RDX: variants seen among roughly 807,000 people sequenced by gnomAD.
RDX encodes deafness, autosomal recessive 24.
In RDX, 32 loss-of-function variants were observed where a neutral mutation model predicts 83.7. The ratio of observed to expected loss-of-function variants is 0.38; its 90% CI spans 0.29 to 0.51. The LOEUF (loss-of-function observed/expected upper bound fraction) is 0.51, where lower values mean the gene tolerates loss of function less well. RDX is among the 20% of genes least tolerant of loss of function. The pLI is 0.87. For missense variants in RDX, 600 were observed against 689.9 expected (o/e 0.87, Z 1.46); for synonymous variants, 229 against 222.7 (o/e 1.03, Z -0.25).
At chr11:110,291,519 T>C (rs1260419732) in intron 1 of RDX, among the ~76,000 whole-genome samples, 3 of 152,168 alleles carry the variant, frequency 2.0e-5, no homozygotes, top group South Asian at 4.1e-4. Flanking sequence ...TGGGGGTTTC[T>C]GGAAACAGTT....
At position 110,233,415 on chromosome 11, in the gene RDX, G is replaced by C. The variant is rs772465918; in HGVS notation, c.1409C>G (p.Pro470Arg). 1 of 1,614,050 alleles carries C rather than the reference G, an allele frequency of 6.2e-7. No individual in the cohort carries two copies. Among genetic ancestry groups the C allele is most frequent in the South Asian group, 1.1e-5 (1 of 91,066 alleles). Residue 470 changes from proline (P) to arginine (R), a missense_variant, in exon 13 of 14, where the codon CCC becomes CGC. Pro to Arg is a moderately radical substitution (Grantham distance 103). Coordinates refer to ENST00000645495, the MANE Select transcript of RDX (RefSeq NM_002906.4). ...GACTGGTGGTGGTGGAGGTGGAGGGGGGGCAGACATCACAGTTTTTAACTC... is the reference window on the plus strand; with the variant it reads ...GACTGGTGGTGGTGGAGGTGGAGGGCGGGCAGACATCACAGTTTTTAACTC... ...KEELKTVMSA[P>R]PPPPPPPVIP...
intron 3 of RDX, among the ~76,000 whole-genome samples, chr11:110,268,961 T>C (rs990604583): frequency 6.7e-6 from 1 of 149,590 alleles, no homozygotes; most frequent in Non-Finnish European, 1.5e-5. Flanking sequence ...AAAATACATA[T>C]TATATATACA....
At chr11:110,274,361 C>T (rs762082115) in intron 2 of RDX, among the ~76,000 whole-genome samples, 46 of 152,074 alleles carry the variant, frequency 3.0e-4, no homozygotes, top group Non-Finnish European at 5.3e-4. Context: ...ATGGTTCTAA[C>T]GTAAATATAT....
intron 1 of RDX, among the ~76,000 whole-genome samples, chr11:110,280,128 T>C (rs1040995403): frequency 2.6e-5 from 4 of 152,340 alleles, no homozygotes; most frequent in African/African-American, 4.8e-5. Context: ...TGAAGACAGA[T>C]GGATTCAGAC....
At chr11:110,223,674 C>T (rs1340949500) in intron 14 of RDX, among the ~76,000 whole-genome samples, 1 of 151,916 alleles carries the variant, frequency 6.6e-6, no homozygotes, top group Non-Finnish European at 1.5e-5. Context: ...CTGAGAGAAA[C>T]AATCAAAAGT....
intron 9 of RDX, among the ~76,000 whole-genome samples, chr11:110,248,403 C>T (rs189350292): frequency 4.6e-5 from 7 of 152,082 alleles, no homozygotes; most frequent in Admixed American, 6.5e-5. Flanking sequence ...CACTCATGTA[C>T]GTACATACAT....
At position 110,237,485 on chromosome 11, in the gene RDX, T is replaced by G; in HGVS notation, c.1251+7A>C. On this transcript the variant is annotated splice_region_variant and intron_variant, in intron 11 of 13. Transcript: ENST00000645495. ...AAACTTTTTTCTCTAAGAAGACAGT[T>G]CCTTACTAGCTGCTCCTGATTCTTC... The G allele has an allele frequency of 6.2e-7, 1 of 1,612,054 alleles. No individual in the cohort carries two copies. Among genetic ancestry groups the G allele is most frequent in the Non-Finnish European group, 8.5e-7 (1 of 1,179,896 alleles).
intron 14 of RDX, among the ~76,000 whole-genome samples, chr11:110,223,512 A>C (rs1382418308): frequency 6.6e-6 from 1 of 151,508 alleles, no homozygotes; most frequent in Non-Finnish European, 1.5e-5. Flanking sequence ...TGGGCAACAG[A>C]GAAAGACTCT....
chr11:110,239,448 G>A (rs1282082669), intron 10 of RDX, among the ~76,000 whole-genome samples: 5 of 152,032 alleles, frequency 3.3e-5, no homozygotes, highest in African/African-American at 9.7e-5. Flanking sequence ...AAAAAAGGAC[G>A]AAAAACCAGA....
At chr11:110,248,808 T>C (rs2134342845) in intron 9 of RDX, among the ~76,000 whole-genome samples, 1 of 152,304 alleles carries the variant, frequency 6.6e-6, no homozygotes, top group East Asian at 1.9e-4. Flanking sequence ...AGGGCAACAA[T>C]TTTCAATCAT....
Position 110,231,995 on chromosome 11 carries a change from G to A in RDX, c.1626C>T (p.Thr542=), listed in dbSNP as rs377478193. The change falls in exon 14 of 14, where the codon ACC becomes ACT. Residue 542 remains threonine, a synonymous_variant. Transcript: ENST00000645495. The part of the protein sequence containing the change: ...SSELAQARDE[T]KKTQNDVLHA... ...GAAGAACATCATTTTGTGTTTTCTT[G>A]GTTTCATCTCTGGCTTGGGCTAATT... 2.9e-5 allele frequency: 46 copies of A among 1,613,756 alleles called. No homozygotes were observed. The highest frequency in any genetic ancestry group is 3.7e-5 in the Non-Finnish European group (44 of 1,179,922).
At chr11:110,178,952 G>A (rs1483139516) in intron 15 of RDX, among the ~76,000 whole-genome samples, 7 of 152,224 alleles carry the variant, frequency 4.6e-5, no homozygotes, top group East Asian at 1.9e-4. Flanking sequence ...TGCTGATTTC[G>A]TTACACCAAG....
chr11:110,216,947 C>G (rs1245866030), intron 14 of RDX, among the ~76,000 whole-genome samples: 1 of 152,196 alleles, frequency 6.6e-6, no homozygotes, highest in Non-Finnish European at 1.5e-5. Context: ...TATAGCAACA[C>G]AGGGCCTACC....
Position 110,237,581 on chromosome 11 carries a change from G to T in RDX, c.1162C>A (p.Arg388=), listed in dbSNP as rs754563690. Residue 388 remains arginine (R), a synonymous_variant, in exon 11 of 14, where the codon CGA becomes AGA. Transcript: ENST00000645495. ...ERKRAKEEAE[R]LEKERRAAEE... is the part of the protein sequence containing the mutation. ...GCAGCTCGACGCTCCTTTTCAAGTC[G>T]TTCTGCTTCTTCTTTTGCTCGTTTT... 5.6e-6 allele frequency: 9 copies of T among 1,614,056 alleles called. No individual in the cohort carries two copies. The highest frequency in any genetic ancestry group is 1.1e-5 in the South Asian group (1 of 91,082).
At position 110,233,435 on chromosome 11, in the gene RDX, T is replaced by C; in HGVS notation, c.1389A>G (p.Leu463=). 6.2e-7 allele frequency: 1 copy of C among 1,614,108 alleles called. No homozygotes were observed. The highest frequency in any genetic ancestry group is 8.5e-7 in the Non-Finnish European group (1 of 1,180,014). Residue 463 remains leucine (L), a synonymous_variant, in exon 13 of 14, where the codon TTA becomes TTG. Transcript: ENST00000645495. ...QEDLEKTKEE[L]KTVMSAPPPP... ...GAGGGGGGGCAGACATCACAGTTTT[T>C]AACTCTTCTTTGGTCTTTTCCAAGT...
chr11:110,230,617 C>CTCTCAT lies in RDX; in HGVS notation c.*1246_*1251dup, dbSNP rs1234552665. ...ACACACACACACACACACAGTCTCT[C>CTCTCAT]TCTCATTCTCTCTCTCTCTTGCTCA... is the stretch of plus-strand genomic sequence containing the variant. On this transcript the variant is annotated 3_prime_UTR_variant, in exon 14 of 14. Coordinates refer to ENST00000645495, the MANE Select transcript of RDX (RefSeq NM_002906.4). 1.3e-5 allele frequency: 2 copies of CTCTCAT among 149,984 alleles called. No individual in the cohort carries two copies. Among genetic ancestry groups the CTCTCAT allele is most frequent in the African/African-American group, 4.9e-5 (2 of 40,702 alleles). 9.3% of individuals were successfully genotyped at this position (149,984 alleles called of 1,614,324 possible).
chr11:110,244,500 TG>T (rs1865230619), intron 10 of RDX, among the ~76,000 whole-genome samples: 4 of 152,034 alleles, frequency 2.6e-5, no homozygotes, highest in Middle Eastern at 3.2e-3. Context: ...ATTCATATGA[TG>T]GTCTAGAACA....
chr11:110,272,204 T>G (rs1461228122), intron 3 of RDX, among the ~76,000 whole-genome samples: 2 of 152,244 alleles, frequency 1.3e-5, no homozygotes, highest in Non-Finnish European at 2.9e-5. Context: ...CTCCTGCTGT[T>G]CCTTCTGCCC....
chr11:110,224,207 T>TTA (rs746401471), intron 14 of RDX, among the ~76,000 whole-genome samples: 29 of 150,870 alleles, frequency 1.9e-4, no homozygotes, highest in Middle Eastern at 3.4e-3. Flanking sequence ...CCCAAACTGT[T>TTA]TATATATATA....
Sources: allele counts gnomAD v4.1 joint callset (sites outside exome capture counted in the v4.1 genomes callset), GRCh38; gene constraint gnomAD v4.1.1; transcripts MANE v1.5; gene names NCBI Gene and HGNC (gene_info 2026-07-23, HGNC 2026-07-21).